UNC5B: variants seen among roughly 807,000 people sequenced by gnomAD.
UNC5B encodes netrin receptor UNC5B.
UNC5B carries 56 observed loss-of-function variants against 103.7 expected under a neutral mutation model. The ratio of observed to expected loss-of-function variants is 0.54; its 90% CI spans 0.44 to 0.67. The LOEUF (loss-of-function observed/expected upper bound fraction) is 0.67, where lower values mean the gene tolerates loss of function less well. Among genes scored for constraint, UNC5B ranks in the 30% least tolerant of loss-of-function variants. UNC5B has a pLI of 0.00. For synonymous variants in UNC5B, 577 were observed against 542.0 expected (o/e 1.06, Z -0.90); for missense variants, 1,194 against 1,284.5 (o/e 0.93, Z 1.08).
chr10:71,250,135 CT>C (rs771742291), intron 1 of UNC5B, among the ~76,000 whole-genome samples: 9 of 152,228 alleles, frequency 5.9e-5, no homozygotes, highest in Non-Finnish European at 1.3e-4. Flanking sequence ...CCTGAGCCAC[CT>C]GCCTGCTGAA....
At chr10:71,273,116 T>C (rs1347982787) in intron 1 of UNC5B, among the ~76,000 whole-genome samples, 1 of 152,284 alleles carries the variant, frequency 6.6e-6, no homozygotes, top group Admixed American at 6.5e-5. Flanking sequence ...CTCGAACTCC[T>C]GACCTCAGGT....
intron 1 of UNC5B, among the ~76,000 whole-genome samples, chr10:71,238,227 T>C (rs1843816299): frequency 6.6e-6 from 1 of 152,144 alleles, no homozygotes; most frequent in South Asian, 2.1e-4. Flanking sequence ...AAGGGGTTGC[T>C]CGAAGACCTC....
intron 1 of UNC5B, among the ~76,000 whole-genome samples, chr10:71,269,659 A>G (rs1006506343): frequency 2.0e-5 from 3 of 151,586 alleles, no homozygotes; most frequent in Non-Finnish European, 2.9e-5. Flanking sequence ...GCCCATCTAC[A>G]CCGCAAACAA....
At chr10:71,288,437 T>C in intron 6 of UNC5B, 131 bp from the exon 7 acceptor site, 2 of 1,352,066 alleles carry the variant, frequency 1.5e-6, no homozygotes, top group Admixed American at 4.5e-5. Context: ...ACACATGTGT[T>C]CTGGGTTCCT....
chr10:71,283,890 G>T (rs1345869979), intron 2 of UNC5B, among the ~76,000 whole-genome samples: 1 of 152,178 alleles, frequency 6.6e-6, no homozygotes, highest in African/African-American at 2.4e-5. Context: ...CCTGAGTAGT[G>T]ACCAGGGAGA....
At chr10:71,264,030 A>G (rs1164889420) in intron 1 of UNC5B, among the ~76,000 whole-genome samples, 1 of 152,248 alleles carries the variant, frequency 6.6e-6, no homozygotes, top group Non-Finnish European at 1.5e-5. Context: ...TGCTGGAAAT[A>G]TAAGAAAATA....
At chr10:71,221,277 C>T (rs1009835875) in intron 1 of UNC5B, among the ~76,000 whole-genome samples, 3 of 152,196 alleles carry the variant, frequency 2.0e-5, no homozygotes, top group Non-Finnish European at 4.4e-5. Flanking sequence ...TAGAGAAGGG[C>T]CCCACTGGCA....
intron 11 of UNC5B, among the ~76,000 whole-genome samples, 197 bp from the exon 12 acceptor site, chr10:71,293,208 A>G (rs1845311475): frequency 6.6e-6 from 1 of 152,162 alleles, no homozygotes; most frequent in African/African-American, 2.4e-5. Context: ...GGAATAGCAA[A>G]AATCTGGAAA....
At chr10:71,281,338 AG>A (rs1844921372) in intron 2 of UNC5B, among the ~76,000 whole-genome samples, 1 of 146,646 alleles carries the variant, frequency 6.8e-6, no homozygotes, top group Non-Finnish European at 1.5e-5. Context: ...AAATGGAAAA[AG>A]GAATTTTTTT....
chr10:71,295,071 C>T (rs1845372294), intron 13 of UNC5B, among the ~76,000 whole-genome samples: 1 of 152,204 alleles, frequency 6.6e-6, no homozygotes, highest in Non-Finnish European at 1.5e-5. Context: ...CCTTCATCTC[C>T]CAGGCTCATG....
intron 13 of UNC5B, among the ~76,000 whole-genome samples, chr10:71,294,837 A>G (rs1222698885): frequency 6.6e-6 from 1 of 151,956 alleles, no homozygotes; most frequent in Non-Finnish European, 1.5e-5. Context: ...CCGTGTTAGC[A>G]CCACTGTCCC....
chr10:71,233,909 G>T (rs1843727553), intron 1 of UNC5B, among the ~76,000 whole-genome samples: 1 of 152,252 alleles, frequency 6.6e-6, no homozygotes, highest in African/African-American at 2.4e-5. Context: ...AGGCCGCCAG[G>T]AGATTAGAAA....
chr10:71,289,504 C>T lies in UNC5B; in HGVS notation c.1099+514C>T, dbSNP rs58586780. Among the ~76,000 whole-genome samples, 73 of 152,346 alleles carry T rather than the reference C, an allele frequency of 4.8e-4. No individual in the cohort carries two copies. In the East Asian group the frequency reaches 5.8e-3, roughly 12 times the overall value. Reference sequence around the variant, plus strand: ...GCGTCAGCTCTGGAGGGCTCACCCTCCAGCCCCAGAGGCTGCGCCACCACT... The same window carrying T: ...GCGTCAGCTCTGGAGGGCTCACCCTTCAGCCCCAGAGGCTGCGCCACCACT... On this transcript the variant is annotated intron_variant, in intron 8 of 16. Coordinates refer to ENST00000335350, the MANE Select transcript of UNC5B (RefSeq NM_170744.5).
At chr10:71,290,791 A>C in intron 8 of UNC5B, 124 bp from the exon 9 acceptor site, 2 of 1,211,950 alleles carry the variant, frequency 1.7e-6, no homozygotes, top group Non-Finnish European at 2.3e-6. Context: ...GGCAGGGCTC[A>C]GACTGGAACT....
Position 71,293,791 on chromosome 10 carries a change from G to A in UNC5B, c.2033G>A (p.Gly678Asp). Residue 678 changes from glycine (G) to aspartate (D), a missense_variant, in exon 13 of 17, where the codon GGC (glycine) becomes GAC (aspartate). Physicochemically the swap from Gly to Asp is moderately conservative, Grantham distance 94. Transcript: ENST00000335350. ...RACHILLDQL[G>D]TYVFTGESYS... Reference sequence around the variant, plus strand: ...TGTCACATCCTGCTGGACCAGCTGGGCACCTACGTGTTCACGGGCGAGTCC... The same window carrying A: ...TGTCACATCCTGCTGGACCAGCTGGACACCTACGTGTTCACGGGCGAGTCC... 6.2e-7 allele frequency: 1 copy of A among 1,606,138 alleles called. No homozygotes were observed.
intron 1 of UNC5B, among the ~76,000 whole-genome samples, chr10:71,224,372 C>CACACAA: frequency 8.6e-6 from 1 of 116,276 alleles, no homozygotes; most frequent in Non-Finnish European, 1.8e-5. Context: ...TAGACACACA[C>CACACAA]ACACACACAC....
rs551264119 is a variant in UNC5B, at chr10:71,285,056, C to A, written c.448+193C>A. Among the ~76,000 whole-genome samples the A allele has an allele frequency of 4.6e-5, 7 of 152,340 alleles. No homozygotes were observed. In the East Asian group the frequency reaches 1.4e-3, roughly 29 times the overall value. ...ACCCAGAACCTAGGCCTCTTTTCAT[C>A]TACTTCTGTATAAAAGAAGCTGGCA... On this transcript the variant is annotated intron_variant, in intron 3 of 16. Transcript: ENST00000335350.
chr10:71,291,818 A>G lies in UNC5B; in HGVS notation c.1681A>G (p.Thr561Ala). Residue 561 changes from threonine to alanine, a missense_variant, in exon 10 of 17, where the codon ACA becomes GCA. Physicochemically the swap from Thr to Ala is moderately conservative, Grantham distance 58. Coordinates refer to ENST00000335350, the MANE Select transcript of UNC5B (RefSeq NM_170744.5). The part of the protein sequence containing the change: ...CLGGRLSIPG[T>A]GVSLLVPNGA... ...GGGTGGGAGGCTCAGCATCCCCGGC[A>G]CAGGTGAGCCCCTGCCCTGCTTGTG... is the stretch of plus-strand genomic sequence containing the variant. 6.3e-7 allele frequency: 1 copy of G among 1,593,218 alleles called. No homozygotes were observed. Among genetic ancestry groups the G allele is most frequent in the Non-Finnish European group, 8.5e-7 (1 of 1,175,258 alleles).
chr10:71,270,340 AAGGGAGGGAGGGAGGGAGGGAGGG>A (rs776665500), intron 1 of UNC5B, among the ~76,000 whole-genome samples: 5 of 82,528 alleles, frequency 6.1e-5, no homozygotes, highest in Admixed American at 1.4e-4. Context: ...GACTCTGCGG[AAGGGAGGGAGGGAGGGAGGGAGGG>A]AGGGAGGGTG....
Sources: gnomAD v4.1 joint callset for allele counts (sites outside exome capture counted in the v4.1 genomes callset) on GRCh38, gnomAD v4.1.1 for gene constraint, MANE v1.5 for transcripts, NCBI Gene and HGNC (gene_info 2026-07-23, HGNC 2026-07-21) for gene names.